The following CACNA1C variants were observed in gnomAD, a reference collection of about 807,000 sequenced individuals.
The protein encoded by CACNA1C is calcium voltage-gated channel subunit alpha1 C.
CACNA1C carries 30 observed loss-of-function variants against 229.0 expected under a neutral mutation model. That is an observed-to-expected ratio of 0.13 (90% CI 0.10 to 0.18). The LOEUF (loss-of-function observed/expected upper bound fraction) is 0.18, where lower values mean the gene tolerates loss of function less well. CACNA1C is among the 10% of genes least tolerant of loss of function. The probability of loss-of-function intolerance (pLI) is 1.00; values close to 1 mark genes in which losing one functional copy is unlikely to be tolerated. For missense variants in CACNA1C, 1,658 were observed against 2,845.0 expected (o/e 0.58, Z 9.49); for synonymous variants, 1,114 against 1,132.5 (o/e 0.98, Z 0.33).
chr12:2,357,218 C>T (rs917494765), intron 3 of CACNA1C, among the ~76,000 whole-genome samples: 15 of 152,180 alleles, frequency 9.9e-5, no homozygotes, highest in Middle Eastern at 3.2e-3. Context: ...CCCAGCTGCA[C>T]GCCCTGGTTT....
intron 1 of CACNA1C, chr12:1,991,063 C>T (rs2039281312): frequency 2.2e-6 from 1 of 454,108 alleles, no homozygotes; most frequent in African/African-American, 2.0e-5. Flanking sequence ...TCAACTGATT[C>T]TATTTCTTTT....
intron 1 of CACNA1C, among the ~76,000 whole-genome samples, chr12:1,990,898 G>C (rs2039206702): frequency 6.6e-6 from 1 of 151,030 alleles, no homozygotes; most frequent in Admixed American, 6.6e-5. Context: ...GTGTACCTTT[G>C]ATGCCCGGGA....
chr12:2,523,584 G>C (rs1293880138), intron 9 of CACNA1C, among the ~76,000 whole-genome samples: 2 of 152,138 alleles, frequency 1.3e-5, no homozygotes, highest in Non-Finnish European at 1.5e-5. Flanking sequence ...TGGGGCCCCG[G>C]GGGGGATCAC....
intron 7 of CACNA1C, among the ~76,000 whole-genome samples, chr12:2,499,608 C>T (rs2099754437): frequency 6.6e-6 from 1 of 152,180 alleles, no homozygotes; most frequent in Non-Finnish European, 1.5e-5. Context: ...TTCAATGCTC[C>T]CTCCCTTTGT....
chr12:2,066,679 C>T (rs1396408911), intron 1 of CACNA1C, among the ~76,000 whole-genome samples: 1 of 151,940 alleles, frequency 6.6e-6, no homozygotes, highest in African/African-American at 2.4e-5. Context: ...GATTTGTTGG[C>T]ACATGAGAGA....
chr12:2,556,002 C>T (rs953761655), intron 10 of CACNA1C, among the ~76,000 whole-genome samples: 17 of 152,150 alleles, frequency 1.1e-4, no homozygotes, highest in African/African-American at 3.6e-4. Flanking sequence ...GCGTTCTGTC[C>T]TTCTGCTTCT....
chr12:2,330,523 G>A (rs2096510829), intron 3 of CACNA1C, among the ~76,000 whole-genome samples: 1 of 152,196 alleles, frequency 6.6e-6, no homozygotes, highest in African/African-American at 2.4e-5. Context: ...CCATTTTACA[G>A]GTGGGAAAGC....
chr12:2,629,046 A>G (rs1463227095), intron 29 of CACNA1C, among the ~76,000 whole-genome samples: 1 of 152,152 alleles, frequency 6.6e-6, no homozygotes, highest in Middle Eastern at 3.2e-3. Context: ...CATTAACCCT[A>G]TGCAAGACAT....
intron 3 of CACNA1C, among the ~76,000 whole-genome samples, chr12:2,371,998 C>T (rs183549455): frequency 7.9e-5 from 12 of 152,266 alleles, no homozygotes; most frequent in African/African-American, 2.9e-4. Context: ...GAATATTGCT[C>T]ATGGACTTCA....
At chr12:2,543,041 T>C (rs1483056634) in intron 9 of CACNA1C, among the ~76,000 whole-genome samples, 1 of 152,238 alleles carries the variant, frequency 6.6e-6, no homozygotes, top group East Asian at 1.9e-4. Flanking sequence ...TGCTGGCAGA[T>C]GTTTCTTGCA....
intron 3 of CACNA1C, among the ~76,000 whole-genome samples, chr12:2,159,167 C>T (rs956375530): frequency 1.3e-5 from 2 of 151,892 alleles, no homozygotes; most frequent in African/African-American, 4.8e-5. Context: ...TTTTTTTCTT[C>T]AATGAACCTT....
At chr12:2,291,488 C>G (rs2154456729) in intron 3 of CACNA1C, among the ~76,000 whole-genome samples, 1 of 152,316 alleles carries the variant, frequency 6.6e-6, no homozygotes, top group South Asian at 2.1e-4. Flanking sequence ...AGTAGTTTTG[C>G]AACTGTTTTA....
In CACNA1C at chr12:2,567,789, C is replaced by T. The variant is rs759871021; in HGVS notation, c.1890C>T (p.Ile630=). ...RCVRLLRIFK[I]TRYWNSLSNL... ...TCCGGCTGCTGAGGATTTTCAAGATCACGAGGTACTGGGCTCCCCCTCTCA... is the reference window on the plus strand; with the variant it reads ...TCCGGCTGCTGAGGATTTTCAAGATTACGAGGTACTGGGCTCCCCCTCTCA... The change falls in exon 13 of 47, where the codon ATC becomes ATT. Residue 630 remains isoleucine (I), a synonymous_variant. Transcript: ENST00000399655. The T allele has an allele frequency of 1.5e-5, 24 of 1,594,280 alleles. No individual in the cohort carries two copies. In the South Asian group the frequency reaches 2.7e-4, roughly 18 times the overall value.
Position 2,651,512 on chromosome 12 carries a change from T to TC in CACNA1C, c.3946-127dup, listed in dbSNP as rs1435213550. The TC allele has an allele frequency of 2.1e-6, 3 of 1,406,250 alleles. No individual in the cohort carries two copies. The highest frequency in any genetic ancestry group is 3.0e-6 in the Non-Finnish European group (3 of 1,000,488). The allele number at this position is 1,406,250 out of a possible 1,614,324, so 87.1% of individuals were successfully genotyped here. A position where few individuals can be genotyped will look rare whatever the true frequency, so the allele number is the denominator to read the frequency against. On this transcript the variant is annotated intron_variant, in intron 31 of 46. Coordinates refer to ENST00000399655, the MANE Select transcript of CACNA1C (RefSeq NM_000719.7). The surrounding 1 kb of genome is among the most constrained non-coding windows in gnomAD (Gnocchi z 5.4). ...GCCGCCCTCCCATCGGAGGGGGAAG[T>TC]CTAGTGCAGCAAACCCTGGCCTGCC...
intron 1 of CACNA1C, among the ~76,000 whole-genome samples, chr12:2,064,186 G>C (rs1047083652): frequency 1.3e-5 from 2 of 152,148 alleles, no homozygotes; most frequent in Non-Finnish European, 2.9e-5. Context: ...AAAAAAAACC[G>C]GTGTCTCTAT....
chr12:2,394,072 T>G lies in CACNA1C; in HGVS notation c.478-54904T>G, dbSNP rs951936216. On this transcript the variant is annotated intron_variant, in intron 3 of 46. Coordinates refer to ENST00000399655, the MANE Select transcript of CACNA1C (RefSeq NM_000719.7). ...GTGAGCTATGATTGTGCCACTGCAC[T>G]GCAGCCTGGGCAACAGAGCAAGACC... 1.4e-4 allele frequency among the ~76,000 whole-genome samples: 21 copies of G among 147,848 alleles called. No homozygotes were observed. The South Asian group carries it at 2.1e-3, about 15-fold the overall frequency.
intron 3 of CACNA1C, among the ~76,000 whole-genome samples, chr12:2,330,671 C>G (rs992381550): frequency 6.6e-6 from 1 of 152,162 alleles, no homozygotes; most frequent in Non-Finnish European, 1.5e-5. Context: ...CTTTATAAAG[C>G]CCACTTGGCC....
Position 2,647,815 on chromosome 12 carries a change from T to C in CACNA1C, c.3913-660T>C, listed in dbSNP as rs2094504546. On this transcript the variant is annotated intron_variant, in intron 30 of 46. Transcript: ENST00000399655. The surrounding 1 kb of genome is among the most constrained non-coding windows in gnomAD (Gnocchi z 4.2). ...AGCCTAAGTCCTCATAGGTTAACAA[T>C]GGCTAATAAAAAACAAATTAAAACA... Among the ~76,000 whole-genome samples, 1 of 152,110 alleles carries C rather than the reference T, an allele frequency of 6.6e-6. No homozygotes were observed. The highest frequency in any genetic ancestry group is 2.4e-5 in the African/African-American group (1 of 41,406).
chr12:2,575,078 C>A lies in CACNA1C; in HGVS notation c.1896-6512C>A, dbSNP rs1170507676. 1.3e-5 allele frequency among the ~76,000 whole-genome samples: 2 copies of A among 152,220 alleles called. No individual in the cohort carries two copies. The highest frequency in any genetic ancestry group is 4.1e-4 in the South Asian group (2 of 4,830). On this transcript the variant is annotated intron_variant, in intron 13 of 46. Coordinates refer to ENST00000399655, the MANE Select transcript of CACNA1C (RefSeq NM_000719.7). This position sits in a 1 kb window ranked among gnomAD's most constrained non-coding sequence, Gnocchi z 4.0. ...AGGCCATCCCCAGGTCCAGGCCAGACCACCTTGCCCGCTTGACCAGGTTAC... is the reference window on the plus strand; with the variant it reads ...AGGCCATCCCCAGGTCCAGGCCAGAACACCTTGCCCGCTTGACCAGGTTAC...
Sources: gnomAD v4.1 joint callset for allele counts (sites outside exome capture counted in the v4.1 genomes callset) on GRCh38, gnomAD v4.1.1 for gene constraint, Gnocchi (gnomAD v3.1) non-coding constraint, MANE v1.5 for transcripts, NCBI Gene and HGNC (gene_info 2026-07-23, HGNC 2026-07-21) for gene names.